SCIN: variants seen among roughly 807,000 people sequenced by gnomAD.
The protein encoded by SCIN is scinderin.
In SCIN, 91 loss-of-function variants were observed where a neutral mutation model predicts 91.8. That is an observed-to-expected ratio of 0.99 (90% CI 0.84 to 1.18). SCIN has a LOEUF of 1.18. Ranked by LOEUF, SCIN falls within the 50% of genes most tolerant of loss-of-function variation. The pLI is 0.00. For missense variants in SCIN, 1,087 were observed against 863.9 expected, an observed-to-expected ratio of 1.26 and a Z score of -3.24; for synonymous variants, 367 against 312.6, an observed-to-expected ratio of 1.17 and a Z score of -1.84.
chr7:12,609,980 G>A (rs1159720227), intron 4 of SCIN, among the ~76,000 whole-genome samples: 2 of 152,126 alleles, frequency 1.3e-5, no homozygotes, highest in African/African-American at 4.8e-5. Flanking sequence ...TTACTTTATT[G>A]TCTGGTTGAG....
intron 13 of SCIN, among the ~76,000 whole-genome samples, chr7:12,645,759 C>G (rs1175089174): frequency 6.6e-6 from 1 of 152,104 alleles, no homozygotes; most frequent in Admixed American, 6.6e-5. Context: ...GTTTTCTGTT[C>G]CTTACACAGG....
rs115024045 is a variant in SCIN, at chr7:12,573,116, A to G, written c.199+2131A>G. Among the ~76,000 whole-genome samples the G allele has an allele frequency of 3.0e-3, 456 of 152,314 alleles. 4 individuals carry two copies. Among genetic ancestry groups the G allele is most frequent in the African/African-American group, 0.01 (427 of 41,558 alleles). ...ACAGGACTTTCAGATGGGATTGCCC[A>G]ACAGCTCTTCCTACTTCAGTTCCCT... On this transcript the variant is annotated intron_variant, in intron 1 of 15. Transcript: ENST00000297029.
In SCIN at chr7:12,581,175, G is replaced by T. The variant is rs1782480534; in HGVS notation, c.470G>T (p.Trp157Leu). The part of the protein sequence containing the change: ...VVRATEVPLS[W>L]DSFNKGDCFI... Reference sequence around the variant, plus strand: ...AGAGCCACAGAAGTTCCCCTTAGCTGGGACAGTTTCAACAAGGGTGACTGC... The same window carrying T: ...AGAGCCACAGAAGTTCCCCTTAGCTTGGACAGTTTCAACAAGGGTGACTGC... Residue 157 changes from tryptophan (W) to leucine (L), a missense_variant, in exon 3 of 16, where the codon TGG becomes TTG. By Grantham distance (61) the Trp-to-Leu change is moderately conservative (BLOSUM62 -2). Coordinates refer to ENST00000297029, the MANE Select transcript of SCIN (RefSeq NM_001112706.3). 1.3e-6 allele frequency: 2 copies of T among 1,551,456 alleles called. No homozygotes were observed. Among genetic ancestry groups the T allele is most frequent in the African/African-American group, 2.7e-5 (2 of 73,134 alleles).
chr7:12,648,414 A>G (rs541751025), intron 13 of SCIN, among the ~76,000 whole-genome samples: 36 of 150,578 alleles, frequency 2.4e-4, no homozygotes, highest in Non-Finnish European at 5.0e-4. Flanking sequence ...CTCCTACATC[A>G]GCCTCCCAAG....
chr7:12,635,959 A>G (rs1273490861), intron 9 of SCIN, 86 bp from the exon 10 acceptor site: 1 of 937,102 alleles, frequency 1.1e-6, no homozygotes, highest in Non-Finnish European at 1.7e-6. Flanking sequence ...GATCTTTCAT[A>G]ATAACTTGTC....
intron 13 of SCIN, among the ~76,000 whole-genome samples, chr7:12,647,197 T>C (rs923290933): frequency 2.0e-5 from 3 of 152,258 alleles, no homozygotes; most frequent in African/African-American, 7.2e-5. Flanking sequence ...TCTGTTAGTC[T>C]TTGGCTTTTT....
Position 12,655,651 on chromosome 7 carries a change from G to T in SCIN, c.*2936G>T, listed in dbSNP as rs1477461164. The stretch of plus-strand genomic sequence containing the variant: ...CAGGTTCACCCATACACTGTTAATA[G>T]ATGTATAAACTGGTCAAAACTTTTT... On this transcript the variant is annotated 3_prime_UTR_variant, in exon 16 of 16. Coordinates refer to ENST00000297029, the MANE Select transcript of SCIN (RefSeq NM_001112706.3). The T allele has an allele frequency of 6.6e-6, 1 of 152,124 alleles. No individual in the cohort carries two copies. The highest frequency in any genetic ancestry group is 1.5e-5 in the Non-Finnish European group (1 of 68,008). The allele number at this position is 152,124 out of a possible 1,614,324, so 9.4% of individuals were successfully genotyped here.
At chr7:12,603,406 G>A (rs754656071) in intron 3 of SCIN, among the ~76,000 whole-genome samples, 1 of 152,042 alleles carries the variant, frequency 6.6e-6, no homozygotes. Flanking sequence ...GCCTCTCAAA[G>A]TGCTGGAATT....
At chr7:12,629,042 G>A (rs1055047928) in intron 8 of SCIN, 59 bp from the exon 9 acceptor site, 1 of 1,385,516 alleles carries the variant, frequency 7.2e-7, no homozygotes, top group Non-Finnish European at 9.7e-7. Context: ...TAAAGCTTAT[G>A]AGAAATATTA....
At chr7:12,646,094 T>C (rs895221646) in intron 13 of SCIN, among the ~76,000 whole-genome samples, 1 of 152,234 alleles carries the variant, frequency 6.6e-6, no homozygotes, top group African/African-American at 2.4e-5. Flanking sequence ...TATATGCAGT[T>C]ACAAATTAAC....
In SCIN at chr7:12,657,351, G is replaced by C. The variant is rs1306018302; in HGVS notation, c.*4636G>C. 1 of 148,602 alleles carries C rather than the reference G, an allele frequency of 6.7e-6. No individual in the cohort carries two copies. The highest frequency in any genetic ancestry group is 2.5e-5 in the African/African-American group (1 of 40,632). The allele number at this position is 148,602 out of a possible 1,614,324, so 9.2% of individuals were successfully genotyped here. The stretch of plus-strand genomic sequence containing the variant: ...CCCACCTCAGTCTCCCCAGGAGCTG[G>C]GACTCTAGGTGCGTGCCACCACGCC... On this transcript the variant is annotated 3_prime_UTR_variant, in exon 16 of 16. Coordinates refer to ENST00000297029, the MANE Select transcript of SCIN (RefSeq NM_001112706.3).
At chr7:12,618,278 G>A (rs573570599) in intron 4 of SCIN, among the ~76,000 whole-genome samples, 43 of 152,284 alleles carry the variant, frequency 2.8e-4, no homozygotes, top group African/African-American at 9.6e-4. Context: ...TGAGAACTGT[G>A]TGGGACAGCA....
intron 3 of SCIN, among the ~76,000 whole-genome samples, chr7:12,594,670 G>A (rs1176849336): frequency 6.6e-6 from 1 of 152,092 alleles, no homozygotes; most frequent in African/African-American, 2.4e-5. Context: ...TAGACTGAGA[G>A]GCTCCCATAG....
intron 3 of SCIN, among the ~76,000 whole-genome samples, chr7:12,590,577 G>C (rs2108553): frequency 0.65 from 97,870 of 151,588 alleles, 32,075 homozygotes; most frequent in Middle Eastern, 0.75. Context: ...AAAGGAGGCT[G>C]CTTGCTGTAT....
intron 13 of SCIN, among the ~76,000 whole-genome samples, chr7:12,647,334 A>G (rs1473248399): frequency 6.6e-6 from 1 of 152,098 alleles, no homozygotes; most frequent in Non-Finnish European, 1.5e-5. Flanking sequence ...TTGCTAACAA[A>G]TCTTTGATCT....
chr7:12,641,240 C>A (rs1209718260), intron 11 of SCIN, among the ~76,000 whole-genome samples: 1 of 152,072 alleles, frequency 6.6e-6, no homozygotes, highest in Admixed American at 6.6e-5. Flanking sequence ...TTGGGTTGGT[C>A]ATCTCATCCC....
chr7:12,592,387 G>A (rs914440942), intron 3 of SCIN, among the ~76,000 whole-genome samples: 13 of 152,174 alleles, frequency 8.5e-5, no homozygotes, highest in African/African-American at 2.2e-4. Flanking sequence ...TAAGAAGACT[G>A]CATGAGCAGA....
intron 13 of SCIN, among the ~76,000 whole-genome samples, chr7:12,645,618 T>C (rs1189576205): frequency 6.6e-6 from 1 of 152,174 alleles, no homozygotes; most frequent in Non-Finnish European, 1.5e-5. Flanking sequence ...CCATTAGTTA[T>C]TTTTCCTGAT....
chr7:12,603,179 C>G (rs1293932321), intron 3 of SCIN, among the ~76,000 whole-genome samples: 3 of 151,930 alleles, frequency 2.0e-5, no homozygotes, highest in African/African-American at 7.3e-5. Context: ...GTGTCTCGCT[C>G]TGTCCCCCAG....
Sources: allele counts gnomAD v4.1 joint callset (sites outside exome capture counted in the v4.1 genomes callset), GRCh38; gene constraint gnomAD v4.1.1; transcripts MANE v1.5; gene names NCBI Gene and HGNC (gene_info 2026-07-23, HGNC 2026-07-21).